ZNF345: variants seen among roughly 807,000 people sequenced by gnomAD.
ZNF345 encodes the protein zinc finger protein HZF10.
For missense variants in ZNF345, 527 were observed against 589.9 expected, an observed-to-expected ratio of 0.89 and a Z score of 1.10; for synonymous variants, 166 against 187.9, an observed-to-expected ratio of 0.88 and a Z score of 0.95.
intron 2 of ZNF345, among the ~76,000 whole-genome samples, chr19:36,874,511 G>GA (rs2072842511): frequency 6.7e-6 from 1 of 148,788 alleles, no homozygotes; most frequent in South Asian, 2.1e-4. Flanking sequence ...AAAAAGGGGG[G>GA]TGGGGTGCCA....
At chr19:36,858,713 C>T (rs2072478485) in intron 2 of ZNF345, among the ~76,000 whole-genome samples, 1 of 152,026 alleles carries the variant, frequency 6.6e-6, no homozygotes, top group Non-Finnish European at 1.5e-5. Flanking sequence ...TTGCAGGGAG[C>T]CAAGATTGCA....
intron 3 of ZNF345, among the ~76,000 whole-genome samples, chr19:36,885,084 CAAAG>C (rs1432861274): frequency 6.6e-6 from 1 of 152,062 alleles, no homozygotes; most frequent in African/African-American, 2.4e-5. Context: ...TACACTCCCA[CAAAG>C]AATCTGTAAG....
chr19:36,868,814 C>A (rs2072717409), intron 2 of ZNF345, among the ~76,000 whole-genome samples: 1 of 151,912 alleles, frequency 6.6e-6, no homozygotes, highest in Non-Finnish European at 1.5e-5. Flanking sequence ...TTAGTAGAGA[C>A]AGGGTTTCAC....
intron 2 of ZNF345, among the ~76,000 whole-genome samples, chr19:36,857,414 C>T (rs975480949): frequency 1.3e-5 from 2 of 152,018 alleles, no homozygotes; most frequent in East Asian, 1.9e-4. Flanking sequence ...TCACGCCATT[C>T]TCCTGCCTCA....
chr19:36,855,063 G>T (rs2072378868), intron 2 of ZNF345, among the ~76,000 whole-genome samples: 1 of 150,924 alleles, frequency 6.6e-6, no homozygotes, highest in Non-Finnish European at 1.5e-5. Context: ...GTGTTAGCCA[G>T]GATGGTCTCG....
intron 2 of ZNF345, among the ~76,000 whole-genome samples, chr19:36,873,051 C>T (rs905778083): frequency 2.6e-5 from 4 of 152,066 alleles, no homozygotes; most frequent in Non-Finnish European, 5.9e-5. Flanking sequence ...TTCCTATTTT[C>T]CATTTCTGTA....
At chr19:36,888,807 CT>C (rs2073022712) in intron 3 of ZNF345, 1 of 152,022 alleles carries the variant, frequency 6.6e-6, no homozygotes. Context: ...GCAATTTGCT[CT>C]GTTGCCCAGG....
At chr19:36,853,605 G>T (rs76297131) in intron 2 of ZNF345, among the ~76,000 whole-genome samples, 4 of 152,044 alleles carry the variant, frequency 2.6e-5, no homozygotes, top group Non-Finnish European at 4.4e-5. Context: ...TTTTTATAGG[G>T]TAGGATTGAA....
chr19:36,853,708 T>TA (rs1472633432), intron 2 of ZNF345, among the ~76,000 whole-genome samples: 2 of 152,162 alleles, frequency 1.3e-5, no homozygotes, highest in Non-Finnish European at 2.9e-5. Context: ...GCCATTTTAG[T>TA]AAAAAAATCA....
intron 2 of ZNF345, among the ~76,000 whole-genome samples, chr19:36,865,875 T>C (rs1286960609): frequency 3.3e-5 from 5 of 152,178 alleles, no homozygotes; most frequent in Non-Finnish European, 7.3e-5. Context: ...TGTTTCTTCT[T>C]ACAGTAACTG....
chr19:36,859,581 A>G (rs954575732), intron 2 of ZNF345, among the ~76,000 whole-genome samples: 3 of 151,702 alleles, frequency 2.0e-5, no homozygotes, highest in African/African-American at 4.8e-5. Flanking sequence ...AATTCTATCA[A>G]TTACTTTTTA....
At chr19:36,881,248 A>G (rs1305371692), downstream of ZNF345, among the ~76,000 whole-genome samples, 2 of 152,192 alleles carry the variant, frequency 1.3e-5, no homozygotes, top group Non-Finnish European at 2.9e-5. Context: ...ATAATTTCAG[A>G]CTTCTGGATT....
chr19:36,856,744 TA>T (rs1288785281), intron 2 of ZNF345, among the ~76,000 whole-genome samples: 1 of 151,656 alleles, frequency 6.6e-6, no homozygotes, highest in African/African-American at 2.4e-5. Context: ...TAATTCCAGC[TA>T]CCTGGGAGGC....
chr19:36,867,166 C>T (rs1367187027), intron 2 of ZNF345, among the ~76,000 whole-genome samples: 1 of 152,098 alleles, frequency 6.6e-6, no homozygotes, highest in Non-Finnish European at 1.5e-5. Flanking sequence ...ACATCTTTAC[C>T]AACATTTGGA....
At chr19:36,891,869 G>A (rs1330529342) in intron 3 of ZNF345, 3 of 1,613,756 alleles carry the variant, frequency 1.9e-6, no homozygotes, top group Non-Finnish European at 2.5e-6. Context: ...AGCCTTGAGT[G>A]TTGAGTAAAG....
chr19:36,891,502 T>C (rs1568366160), intron 3 of ZNF345: 1 of 1,555,400 alleles, frequency 6.4e-7, no homozygotes, highest in Non-Finnish European at 8.7e-7. Flanking sequence ...TCAACCAGTA[T>C]GAATTCCCTC....
At chr19:36,860,324 A>G (rs905018210) in intron 2 of ZNF345, among the ~76,000 whole-genome samples, 1 of 152,150 alleles carries the variant, frequency 6.6e-6, no homozygotes, top group Admixed American at 6.5e-5. Context: ...CCCACAGTAC[A>G]GTTATTAAAA....
chr19:36,885,662 T>A (rs933579021), intron 3 of ZNF345, among the ~76,000 whole-genome samples: 8 of 152,210 alleles, frequency 5.3e-5, no homozygotes, highest in African/African-American at 1.9e-4. Flanking sequence ...ACATCTTGCC[T>A]GGGATTACAG....
intron 2 of ZNF345, among the ~76,000 whole-genome samples, chr19:36,874,353 G>T (rs540379288): frequency 2.0e-5 from 3 of 152,108 alleles, no homozygotes; most frequent in Non-Finnish European, 4.4e-5. Context: ...AATCAGCCAG[G>T]TGTGGTGGTG....
Sources: gnomAD v4.1 joint callset for allele counts (sites outside exome capture counted in the v4.1 genomes callset) on GRCh38, gnomAD v4.1.1 for gene constraint, MANE v1.5 for transcripts, NCBI Gene and HGNC (gene_info 2026-07-23, HGNC 2026-07-21) for gene names.